RBFOX1: variants seen among roughly 807,000 people sequenced by gnomAD.
RBFOX1 encodes the protein RNA binding fox-1 homolog 1.
RBFOX1 carries 8 observed loss-of-function variants against 57.7 expected under a neutral mutation model. That is an observed-to-expected ratio of 0.14 (90% CI 0.08 to 0.25). The LOEUF is 0.25. Ranked by LOEUF, RBFOX1 falls within the 10% of genes least tolerant of loss-of-function variation. The pLI, the probability that RBFOX1 is intolerant of heterozygous loss-of-function variation, is 1.00. For missense variants in RBFOX1, 611 were observed against 548.5 expected, an observed-to-expected ratio of 1.11 and a Z score of -1.14; for synonymous variants, 326 against 222.4, an observed-to-expected ratio of 1.47 and a Z score of -4.15.
chr16:7,645,119 A>G (rs1399722125), intron 11 of RBFOX1, among the ~76,000 whole-genome samples: 3 of 152,090 alleles, frequency 2.0e-5, no homozygotes, highest in Non-Finnish European at 4.4e-5. Context: ...AAAAATGTGC[A>G]TTTCTCTCCA....
At chr16:6,064,497 A>G (rs754095663) in intron 1 of RBFOX1, among the ~76,000 whole-genome samples, 1 of 152,148 alleles carries the variant, frequency 6.6e-6, no homozygotes, top group Non-Finnish European at 1.5e-5. Context: ...ATCCATTCCC[A>G]CATTTTCTTT....
intron 3 of RBFOX1, among the ~76,000 whole-genome samples, chr16:6,666,489 G>C (rs1403136248): frequency 6.8e-6 from 1 of 147,334 alleles, no homozygotes; most frequent in African/African-American, 2.5e-5. Flanking sequence ...ACAGTCAGCT[G>C]AGATCACACC....
chr16:6,384,653 A>G (rs2092115710), intron 2 of RBFOX1, among the ~76,000 whole-genome samples: 1 of 152,250 alleles, frequency 6.6e-6, no homozygotes, highest in Non-Finnish European at 1.5e-5. Flanking sequence ...CTTTGAAGGA[A>G]CAAATGAAGA....
At chr16:6,492,255 A>G (rs1432149775) in intron 2 of RBFOX1, among the ~76,000 whole-genome samples, 1 of 152,170 alleles carries the variant, frequency 6.6e-6, no homozygotes, top group Non-Finnish European at 1.5e-5. Flanking sequence ...TCTTCTGTAG[A>G]GGACTATTTG....
At chr16:6,830,327 T>G (rs1053378378) in intron 3 of RBFOX1, among the ~76,000 whole-genome samples, 1 of 152,246 alleles carries the variant, frequency 6.6e-6, no homozygotes, top group African/African-American at 2.4e-5. Flanking sequence ...TATTCCTGGT[T>G]AGTTCCTAAC....
chr16:6,988,825 G>T (rs1182225129), intron 3 of RBFOX1, among the ~76,000 whole-genome samples: 1 of 151,094 alleles, frequency 6.6e-6, no homozygotes, highest in Admixed American at 6.6e-5. Flanking sequence ...AGGCTGGAGT[G>T]CAATGGCATA....
chr16:7,515,392 A>G (rs1176221909), intron 4 of RBFOX1, among the ~76,000 whole-genome samples: 1 of 152,054 alleles, frequency 6.6e-6, no homozygotes, highest in East Asian at 1.9e-4. Context: ...TAAGTACAGC[A>G]TGGAAACAAG....
intron 2 of RBFOX1, among the ~76,000 whole-genome samples, chr16:6,579,871 C>T (rs1399025981): frequency 6.6e-6 from 1 of 152,090 alleles, no homozygotes; most frequent in Non-Finnish European, 1.5e-5. Flanking sequence ...TAGGTGTGAG[C>T]CACTGCCGCC....
At chr16:5,598,214 A>C (rs1227273955) in intron 2 of RBFOX1, among the ~76,000 whole-genome samples, 1 of 144,498 alleles carries the variant, frequency 6.9e-6, no homozygotes, top group Non-Finnish European at 1.5e-5. Context: ...ACAGAGGGAG[A>C]CTCTGTCTCA....
intron 4 of RBFOX1, among the ~76,000 whole-genome samples, chr16:7,056,121 C>T (rs760584047): frequency 9.2e-5 from 14 of 152,126 alleles, no homozygotes; most frequent in Non-Finnish European, 1.3e-4. Flanking sequence ...CATGGGGCAT[C>T]GTGCATTAGT....
At chr16:7,408,239 A>G (rs1230914804) in intron 4 of RBFOX1, among the ~76,000 whole-genome samples, 1 of 152,158 alleles carries the variant, frequency 6.6e-6, no homozygotes, top group Non-Finnish European at 1.5e-5. Flanking sequence ...CACTCAAATC[A>G]TTTAGATTTT....
At chr16:6,842,734 A>G (rs2093550989) in intron 3 of RBFOX1, among the ~76,000 whole-genome samples, 1 of 150,550 alleles carries the variant, frequency 6.6e-6, no homozygotes, top group African/African-American at 2.5e-5. Context: ...TACATGTGCC[A>G]TGGTGGTTTG....
In RBFOX1 at chr16:6,993,955, A is replaced by T. The variant is rs553212136; in HGVS notation, c.-15-58102A>T. Among the ~76,000 whole-genome samples, 21 of 152,306 alleles carry T rather than the reference A, an allele frequency of 1.4e-4. No individual in the cohort carries two copies. The South Asian group carries it at 4.4e-3, about 32-fold the overall frequency. On this transcript the variant is annotated intron_variant, in intron 3 of 15. Transcript: ENST00000550418. ...GCCTAAATGATTTGGTGCAAGGCAGAAAGATTATGCAGGGAAGAGGGGTGG... is the reference window on the plus strand; with the variant it reads ...GCCTAAATGATTTGGTGCAAGGCAGTAAGATTATGCAGGGAAGAGGGGTGG...
At chr16:6,256,161 A>ATATATATGTATATATATG (rs1486039903) in intron 1 of RBFOX1, among the ~76,000 whole-genome samples, 1 of 14,952 alleles carries the variant, frequency 6.7e-5, no homozygotes, top group Admixed American at 1.1e-3. Context: ...ATATATATGT[A>ATATATATGTATATATATG]TATATATATG....
At chr16:6,415,838 A>T (rs570225915) in intron 2 of RBFOX1, among the ~76,000 whole-genome samples, 7 of 152,238 alleles carry the variant, frequency 4.6e-5, no homozygotes, top group Non-Finnish European at 7.3e-5. Flanking sequence ...TAACGTAGGG[A>T]CTTCGAAGTC....
chr16:7,064,426 C>G (rs1277067546), intron 4 of RBFOX1, among the ~76,000 whole-genome samples: 1 of 152,110 alleles, frequency 6.6e-6, no homozygotes, highest in African/African-American at 2.4e-5. Context: ...GCCTCAGCCT[C>G]CCAAAGTGTT....
chr16:6,372,896 T>C (rs1423795106), intron 2 of RBFOX1, among the ~76,000 whole-genome samples: 1 of 150,320 alleles, frequency 6.7e-6, no homozygotes, highest in African/African-American at 2.5e-5. Context: ...AAGAGTATAG[T>C]TGGATGGAAG....
intron 3 of RBFOX1, among the ~76,000 whole-genome samples, chr16:7,034,821 G>A: frequency 1.7e-5 from 1 of 58,992 alleles, no homozygotes; most frequent in African/African-American, 7.5e-5. Flanking sequence ...CTAAGATATT[G>A]CATTACTTTT....
chr16:6,583,239 G>A (rs1226169679), intron 2 of RBFOX1, among the ~76,000 whole-genome samples: 2 of 152,150 alleles, frequency 1.3e-5, no homozygotes, highest in Non-Finnish European at 2.9e-5. Context: ...GTGGTCCGGG[G>A]CACATGGCAC....
Sources: gnomAD v4.1 joint callset for allele counts (sites outside exome capture counted in the v4.1 genomes callset) on GRCh38, gnomAD v4.1.1 for gene constraint, MANE v1.5 for transcripts, NCBI Gene and HGNC (gene_info 2026-07-23, HGNC 2026-07-21) for gene names.